The following UCMA variants were observed in gnomAD, a reference collection of about 807,000 sequenced individuals.
UCMA encodes the protein upper zone of growth plate and cartilage matrix-associated protein.
Under a neutral mutation model 21.8 loss-of-function variants are expected in UCMA, and 21 were observed. That is an observed-to-expected ratio of 0.97 (90% CI 0.68 to 1.39). UCMA has a LOEUF of 1.39. Ranked by LOEUF, UCMA falls within the 40% of genes most tolerant of loss-of-function variation. The probability of loss-of-function intolerance (pLI) is 0.00; values close to 1 mark genes in which losing one functional copy is unlikely to be tolerated. For synonymous variants in UCMA, 76 were observed against 67.9 expected, an observed-to-expected ratio of 1.12 and a Z score of -0.58; for missense variants, 193 against 178.9, an observed-to-expected ratio of 1.08 and a Z score of -0.45.
At chr10:13,233,890 G>T (rs960722685) in intron 1 of UCMA, 90 bp from the exon 2 acceptor site, 8 of 1,524,408 alleles carry the variant, frequency 5.2e-6, no homozygotes, top group Non-Finnish European at 7.1e-6. Context: ...CAGGCTAAGC[G>T]TCCTGCCAGG....
At chr10:13,223,761 A>C (rs1357827119) in intron 4 of UCMA, among the ~76,000 whole-genome samples, 4 of 152,130 alleles carry the variant, frequency 2.6e-5, no homozygotes, top group African/African-American at 7.2e-5. Context: ...CCTGATGGCC[A>C]GACTGGTCTT....
In UCMA at chr10:13,222,339, G is replaced by T. The variant is rs78326896; in HGVS notation, c.320-139C>A. The T allele has an allele frequency of 4.3e-3, 3,075 of 718,134 alleles. 62 individuals carry two copies. In the African/African-American group the frequency reaches 0.048, roughly 11 times the overall value. 44.5% of individuals were successfully genotyped at this position (718,134 alleles called of 1,614,324 possible). A position where few individuals can be genotyped will look rare whatever the true frequency, so the allele number is the denominator to read the frequency against. On this transcript the variant is annotated intron_variant, in intron 4 of 4. Transcript: ENST00000378681. Reference sequence around the variant, plus strand: ...GTGAGCCCTGGTGAGAGAAGGCCAGGACTGGTGAGGATCCAGAGTATGTGA... The same window carrying T: ...GTGAGCCCTGGTGAGAGAAGGCCAGTACTGGTGAGGATCCAGAGTATGTGA...
At chr10:13,233,885 T>G in intron 1 of UCMA, 85 bp from the exon 2 acceptor site, 1 of 1,548,872 alleles carries the variant, frequency 6.5e-7, no homozygotes, top group Non-Finnish European at 8.8e-7. Context: ...CTTTCCAGGC[T>G]AAGCGTCCTG....
At chr10:13,233,249 T>A (rs1172283243) in intron 3 of UCMA, among the ~76,000 whole-genome samples, 1 of 152,214 alleles carries the variant, frequency 6.6e-6, no homozygotes, top group Non-Finnish European at 1.5e-5. Context: ...TTAGGTGTGT[T>A]TAATGTAGCA....
chr10:13,233,615 A>G lies in UCMA; in HGVS notation c.143T>C (p.Phe48Ser), dbSNP rs1834929499. 6.2e-7 allele frequency: 1 copy of G among 1,613,994 alleles called. No individual in the cohort carries two copies. Among genetic ancestry groups the G allele is most frequent in the African/African-American group, 1.3e-5 (1 of 74,886 alleles). Residue 48 changes from phenylalanine to serine, a missense_variant, in exon 3 of 5, where the codon TTC (phenylalanine) becomes TCC (serine). Transcript: ENST00000378681. Reference sequence around the variant, plus strand: ...ATTCGAGGCATCTGATTCCTGCATGAAAATCTTCTGTTTTGCATCTGAAAC... The same window carrying G: ...ATTCGAGGCATCTGATTCCTGCATGGAAATCTTCTGTTTTGCATCTGAAAC... Reference protein sequence around the residue: ...EASEDAKQKIFMQESDASNFL... With the variant: ...EASEDAKQKISMQESDASNFL...
At chr10:13,229,840 G>C in intron 3 of UCMA, 131 bp from the exon 4 acceptor site, 2 of 658,390 alleles carry the variant, frequency 3.0e-6, no homozygotes, top group African/African-American at 3.6e-5. Flanking sequence ...GATTGTGATT[G>C]GAGACTTCCC....
At chr10:13,227,343 G>A (rs528601633) in intron 4 of UCMA, among the ~76,000 whole-genome samples, 6 of 152,192 alleles carry the variant, frequency 3.9e-5, no homozygotes, top group Non-Finnish European at 7.3e-5. Flanking sequence ...GGGGCCTCAC[G>A]TCCAAGTTCA....
At position 13,233,529 on chromosome 10, in the gene UCMA, C is replaced by A. The variant is rs1395975089; in HGVS notation, c.220+9G>T. 1.2e-6 allele frequency: 2 copies of A among 1,612,652 alleles called. No homozygotes were observed. Among genetic ancestry groups the A allele is most frequent in the Admixed American group, 3.3e-5 (2 of 59,890 alleles). On this transcript the variant is annotated intron_variant, in intron 3 of 4. Transcript: ENST00000378681. ...TGGACGCGGGATGGGGTCCCTCCAGCATCCTTACCATTGACCTCATCTCTG... is the reference window on the plus strand; with the variant it reads ...TGGACGCGGGATGGGGTCCCTCCAGAATCCTTACCATTGACCTCATCTCTG...
intron 3 of UCMA, among the ~76,000 whole-genome samples, chr10:13,232,798 A>G (rs1834915698): frequency 6.6e-6 from 1 of 152,120 alleles, no homozygotes; most frequent in African/African-American, 2.4e-5. Flanking sequence ...GCATCTTGGA[A>G]GAAGCAGGTT....
chr10:13,222,312 T>C (rs527335372), intron 4 of UCMA, 112 bp from the exon 5 acceptor site: 110 of 918,216 alleles, frequency 1.2e-4, no homozygotes, highest in Non-Finnish European at 1.7e-4. Context: ...CTGAGAGTGT[T>C]TGTGAGCCCT....
At chr10:13,228,057 T>C (rs975800687) in intron 4 of UCMA, among the ~76,000 whole-genome samples, 14 of 151,494 alleles carry the variant, frequency 9.2e-5, no homozygotes, top group African/African-American at 3.4e-4. Flanking sequence ...GTCTAGGCCT[T>C]TTCTTTTCTT....
At chr10:13,232,335 G>GCA (rs1392643579) in intron 3 of UCMA, among the ~76,000 whole-genome samples, 1 of 133,058 alleles carries the variant, frequency 7.5e-6, no homozygotes, top group Admixed American at 9.1e-5. Context: ...TCCTGCCACT[G>GCA]CACTCCAGCC....
At chr10:13,231,327 C>T (rs1023385708) in intron 3 of UCMA, among the ~76,000 whole-genome samples, 5 of 152,088 alleles carry the variant, frequency 3.3e-5, no homozygotes, top group African/African-American at 1.2e-4. Context: ...ACCTCTCACT[C>T]GGCATTCACA....
At chr10:13,224,014 G>C (rs75473749) in intron 4 of UCMA, among the ~76,000 whole-genome samples, 9,350 of 152,226 alleles carry the variant, frequency 0.061, 397 homozygotes, top group South Asian at 0.094. Context: ...AGTAAATGCT[G>C]CTGAATCGTA....
intron 3 of UCMA, 124 bp from the exon 4 acceptor site, chr10:13,229,833 T>A: frequency 1.4e-6 from 1 of 728,982 alleles, no homozygotes; most frequent in Non-Finnish European, 2.3e-6. Flanking sequence ...TGTGGGGGAT[T>A]GTGATTGGAG....
intron 4 of UCMA, among the ~76,000 whole-genome samples, chr10:13,228,665 G>A (rs76202442): frequency 0.014 from 2,156 of 152,236 alleles, 46 homozygotes; most frequent in African/African-American, 0.049. Flanking sequence ...GGACATTGAC[G>A]TGAATATAAG....
chr10:13,233,554 G>T lies in UCMA; in HGVS notation c.204C>A (p.Ser68=). The T allele has an allele frequency of 6.2e-7, 1 of 1,614,004 alleles. No homozygotes were observed. Among genetic ancestry groups the T allele is most frequent in the Non-Finnish European group, 8.5e-7 (1 of 1,179,994 alleles). ...CATCCTTACCATTGACCTCATCTCTGGACTTGGGGGACCGCTTGCCGCGCC... is the reference window on the plus strand; with the variant it reads ...CATCCTTACCATTGACCTCATCTCTTGACTTGGGGGACCGCTTGCCGCGCC... ...LKRRGKRSPK[S]RDEVNVENRQ... The change falls in exon 3 of 5, where the codon TCC becomes TCA. Residue 68 remains serine (S), a synonymous_variant. Coordinates refer to ENST00000378681, the MANE Select transcript of UCMA (RefSeq NM_145314.3).
At chr10:13,226,215 A>G (rs1554778728) in intron 4 of UCMA, among the ~76,000 whole-genome samples, 1 of 108,532 alleles carries the variant, frequency 9.2e-6, no homozygotes, top group African/African-American at 4.2e-5. Context: ...TTTTTTTTTG[A>G]GACAGGGTCT....
At chr10:13,223,567 T>C (rs1394181639) in intron 4 of UCMA, among the ~76,000 whole-genome samples, 1 of 152,028 alleles carries the variant, frequency 6.6e-6, no homozygotes, top group East Asian at 1.9e-4. Flanking sequence ...AGTTTTTGTT[T>C]TTGTTGTTTT....
Sources: allele counts gnomAD v4.1 joint callset (sites outside exome capture counted in the v4.1 genomes callset), GRCh38; gene constraint gnomAD v4.1.1; transcripts MANE v1.5; gene names NCBI Gene and HGNC (gene_info 2026-07-23, HGNC 2026-07-21).